Variants in CCDC7 observed in about 807,000 individuals in gnomAD.
The protein encoded by CCDC7 is coiled-coil domain containing 7, also known as coiled-coil domain-containing protein 7.
Under a neutral mutation model 196.9 loss-of-function variants are expected in CCDC7, and 183 were observed. That is an observed-to-expected ratio of 0.93 (90% CI 0.82 to 1.05). CCDC7 has a LOEUF of 1.05. CCDC7 is among the 50% of genes least tolerant of loss of function. The pLI is 0.00. For synonymous variants in CCDC7, 525 were observed against 484.6 expected (o/e 1.08, Z -1.10); for missense variants, 1,540 against 1,482.2 (o/e 1.04, Z -0.64).
At chr10:32,685,199 C>G (rs2076329848) in intron 21 of CCDC7, among the ~76,000 whole-genome samples, 1 of 87,964 alleles carries the variant, frequency 1.1e-5, no homozygotes, top group Non-Finnish European at 2.1e-5. Flanking sequence ...TACAAGTTTT[C>G]TCTTTTTTGG....
chr10:32,519,459 A>G (rs778343892), intron 11 of CCDC7, among the ~76,000 whole-genome samples: 3 of 152,104 alleles, frequency 2.0e-5, no homozygotes, highest in Non-Finnish European at 2.9e-5. Flanking sequence ...CTAGAGAGCA[A>G]TGGTTTTTGC....
chr10:32,845,956 C>G, exon 36 of CCDC7: 2 of 1,606,538 alleles, frequency 1.2e-6, no homozygotes, highest in Non-Finnish European at 1.7e-6. Context: ...GAAGAGTCAC[C>G]GAGGTAAGAG....
intron 31 of CCDC7, among the ~76,000 whole-genome samples, chr10:32,818,025 T>C (rs2135503040): frequency 1.3e-5 from 2 of 152,278 alleles, no homozygotes; most frequent in South Asian, 4.2e-4. Context: ...ATGCTCTAAT[T>C]AAAAGACACA....
upstream of CCDC7, among the ~76,000 whole-genome samples, chr10:32,445,359 A>G (rs2030708610): frequency 6.6e-6 from 1 of 152,202 alleles, no homozygotes; most frequent in Admixed American, 6.5e-5. Flanking sequence ...AAAATTAGAA[A>G]TAATTAGATA....
At chr10:32,612,364 ACAG>A (rs59729412) in intron 18 of CCDC7, among the ~76,000 whole-genome samples, 10 of 151,142 alleles carry the variant, frequency 6.6e-5, no homozygotes, top group African/African-American at 2.4e-4. Context: ...GTCATCTGCA[ACAG>A]AGAGAATTTG....
At chr10:32,465,136 G>A (rs1023177403) in intron 5 of CCDC7, among the ~76,000 whole-genome samples, 1 of 150,366 alleles carries the variant, frequency 6.7e-6, no homozygotes, top group Non-Finnish European at 1.5e-5. Flanking sequence ...AGTATTCAAC[G>A]AATAAACTGG....
chr10:32,472,060 T>C (rs1025530166), intron 6 of CCDC7, among the ~76,000 whole-genome samples: 1 of 152,186 alleles, frequency 6.6e-6, no homozygotes, highest in African/African-American at 2.4e-5. Flanking sequence ...GGTTAAGTAA[T>C]ATACCTGGCT....
chr10:32,526,301 C>T (rs2048668867), intron 11 of CCDC7, among the ~76,000 whole-genome samples: 1 of 152,154 alleles, frequency 6.6e-6, no homozygotes, highest in Non-Finnish European at 1.5e-5. Context: ...GGGACTCACC[C>T]TTCAGGGCAG....
At chr10:32,846,339 C>T (rs2093292563) in intron 36 of CCDC7, 37 bp from the exon 38 acceptor site, 2 of 1,232,976 alleles carry the variant, frequency 1.6e-6, no homozygotes, top group Non-Finnish European at 1.2e-6. Context: ...GTAATGTTTA[C>T]CTTATAAAGT....
intron 28 of CCDC7, among the ~76,000 whole-genome samples, chr10:32,750,165 G>T (rs56359432): frequency 0.088 from 13,403 of 151,908 alleles, 856 homozygotes; most frequent in East Asian, 0.33. Context: ...TTCTCATCTT[G>T]CTTTTTAAAA....
chr10:32,523,389 A>G (rs1226608619), intron 11 of CCDC7, among the ~76,000 whole-genome samples: 1 of 152,136 alleles, frequency 6.6e-6, no homozygotes, highest in Non-Finnish European at 1.5e-5. Flanking sequence ...CTACTAAAAA[A>G]TACGAAAAAA....
intron 24 of CCDC7, among the ~76,000 whole-genome samples, chr10:32,701,977 G>C (rs988070350): frequency 6.6e-6 from 1 of 152,154 alleles, no homozygotes; most frequent in Non-Finnish European, 1.5e-5. Context: ...CCAGCTCCTG[G>C]ATTCATTGAT....
At chr10:32,726,892 C>A in intron 26 of CCDC7, 60 bp downstream of exon 27, 1 of 1,025,656 alleles carries the variant, frequency 9.7e-7, no homozygotes, top group Non-Finnish European at 1.4e-6. Context: ...ATCAGAAGAT[C>A]TTTGCCTTTG....
chr10:32,680,336 G>A (rs1439098594), intron 21 of CCDC7, among the ~76,000 whole-genome samples: 1 of 152,140 alleles, frequency 6.6e-6, no homozygotes, highest in Non-Finnish European at 1.5e-5. Flanking sequence ...GTTGCACATA[G>A]ATAATATATC....
intron 18 of CCDC7, among the ~76,000 whole-genome samples, chr10:32,593,075 G>T (rs1200029737): frequency 6.6e-6 from 1 of 152,160 alleles, no homozygotes; most frequent in Non-Finnish European, 1.5e-5. Flanking sequence ...GTAATGGGAT[G>T]GCTGGATCAA....
At chr10:32,489,898 G>T (rs781302510) in intron 8 of CCDC7, among the ~76,000 whole-genome samples, 2 of 151,988 alleles carry the variant, frequency 1.3e-5, no homozygotes, top group Non-Finnish European at 2.9e-5. Flanking sequence ...TTGGGGCATG[G>T]TGGCTCTGGT....
chr10:32,571,201 G>A (rs1244167844), intron 15 of CCDC7, among the ~76,000 whole-genome samples: 1 of 151,952 alleles, frequency 6.6e-6, no homozygotes, highest in East Asian at 1.9e-4. Flanking sequence ...TAGAGAGGGG[G>A]TTTCACCATG....
chr10:32,744,520 C>T (rs1435677708), intron 28 of CCDC7, among the ~76,000 whole-genome samples: 1 of 152,188 alleles, frequency 6.6e-6, no homozygotes, highest in Admixed American at 6.5e-5. Flanking sequence ...ATTCTAATAA[C>T]TGTGTAATTG....
chr10:32,689,518 T>G (rs2076834342), intron 23 of CCDC7, among the ~76,000 whole-genome samples: 1 of 152,160 alleles, frequency 6.6e-6, no homozygotes, highest in South Asian at 2.1e-4. Context: ...AAGATATTGC[T>G]AAGATCTGCA....
Sources: allele counts gnomAD v4.1 joint callset (sites outside exome capture counted in the v4.1 genomes callset), GRCh38; gene constraint gnomAD v4.1.1; transcripts MANE v1.5; gene names NCBI Gene and HGNC (gene_info 2026-07-23, HGNC 2026-07-21).